The following CTH variants were observed in gnomAD, a reference collection of about 807,000 sequenced individuals.
The protein encoded by CTH is cystathionine gamma-lyase, also known as cystathionase (cystathionine gamma-lyase).
A neutral mutation model predicts 50.6 loss-of-function variants in CTH; 41 were observed. The ratio of observed to expected loss-of-function variants is 0.81; its 90% confidence interval spans 0.63 to 1.05. The LOEUF is 1.05. Ranked by LOEUF, CTH falls within the 50% of genes least tolerant of loss-of-function variation. CTH has a pLI of 0.00. For synonymous variants in CTH, 156 were observed against 168.9 expected, an observed-to-expected ratio of 0.92 and a Z score of 0.59; for missense variants, 470 against 492.6, an observed-to-expected ratio of 0.95 and a Z score of 0.43.
rs773107808 is a variant in CTH at position 70,432,151 on chromosome 1, C to A, written c.793C>A (p.Arg265=). Residue 265 remains arginine, a synonymous_variant, in exon 8 of 12, where the codon CGA becomes AGA. Coordinates refer to ENST00000370938, the MANE Select transcript of CTH (RefSeq NM_001902.6). ...TCGAGGTCTGAAGACTCTACATGTC[C>A]GAATGGAAAAGCATTTCAAAAACGG... ...CNRGLKTLHV[R]MEKHFKNGMA... 2 of 1,614,054 alleles carry A rather than the reference C, an allele frequency of 1.2e-6. No homozygotes were observed. Among genetic ancestry groups the A allele is most frequent in the Non-Finnish European group, 1.7e-6 (2 of 1,179,982 alleles).
At chr1:70,413,998 C>T (rs1684032780) in intron 1 of CTH, among the ~76,000 whole-genome samples, 1 of 151,556 alleles carries the variant, frequency 6.6e-6, no homozygotes, top group Non-Finnish European at 1.5e-5. Flanking sequence ...TCTGAAAGTG[C>T]TGGGATTACA....
At chr1:70,435,691 T>G (rs1473952736) in intron 10 of CTH, among the ~76,000 whole-genome samples, 1 of 151,982 alleles carries the variant, frequency 6.6e-6, no homozygotes, top group Non-Finnish European at 1.5e-5. Context: ...ACAAGATAAA[T>G]CCAAACCCTA....
intron 1 of CTH, among the ~76,000 whole-genome samples, chr1:70,413,882 C>T (rs1007131233): frequency 2.0e-5 from 3 of 150,864 alleles, no homozygotes; most frequent in African/African-American, 7.3e-5. Context: ...GCTGAGATTA[C>T]AGCTGCCCGC....
intron 4 of CTH, among the ~76,000 whole-genome samples, chr1:70,422,626 T>C (rs1684250192): frequency 6.6e-6 from 1 of 150,940 alleles, no homozygotes; most frequent in African/African-American, 2.4e-5. Context: ...TTTTTTTTTT[T>C]TTTGAGACGG....
chr1:70,435,190 C>G lies in CTH; in HGVS notation c.1052+13C>G. 1.2e-6 allele frequency: 2 copies of G among 1,610,206 alleles called. No individual in the cohort carries two copies. The highest frequency in any genetic ancestry group is 1.7e-6 in the Non-Finnish European group (2 of 1,177,550). On this transcript the variant is annotated intron_variant, in intron 10 of 11. Coordinates refer to ENST00000370938, the MANE Select transcript of CTH (RefSeq NM_001902.6). ...TTGCTGAGCTTCCGTAAGTATAGTT[C>G]TGTTTTTCTCAGTATTTTAAATTTG... is the stretch of plus-strand genomic sequence containing the variant.
intron 1 of CTH, among the ~76,000 whole-genome samples, chr1:70,414,838 G>T (rs998977169): frequency 6.6e-6 from 1 of 150,642 alleles, no homozygotes; most frequent in Non-Finnish European, 1.5e-5. Context: ...TTTTTTTCCC[G>T]AGACAGAGTC....
At chr1:70,411,669 T>C in intron 1 of CTH, 86 bp downstream of exon 1, 1 of 1,531,266 alleles carries the variant, frequency 6.5e-7, no homozygotes, top group East Asian at 2.3e-5. Flanking sequence ...AAGTAATTTA[T>C]AATATGACTT....
intron 3 of CTH, among the ~76,000 whole-genome samples, chr1:70,419,384 C>T (rs2101734108): frequency 6.6e-6 from 1 of 152,270 alleles, no homozygotes; most frequent in African/African-American, 2.4e-5. Context: ...TTCTAGATCC[C>T]TGAGGAATCA....
chr1:70,439,109 A>G lies in CTH; in HGVS notation c.1200A>G (p.Pro400=). The part of the protein sequence containing the change: ...LDQALKAAHP[P]SGSHS ...GTGCACTGTTATTATAGCACCCTCCAAGTGGAAGTCACAGCTAGTATTCCA... is the reference window on the plus strand; with the variant it reads ...GTGCACTGTTATTATAGCACCCTCCGAGTGGAAGTCACAGCTAGTATTCCA... Residue 400 remains proline (P), a synonymous_variant, in exon 12 of 12, where the codon CCA becomes CCG. Transcript: ENST00000370938. 1.2e-6 allele frequency: 2 copies of G among 1,612,434 alleles called. No individual in the cohort carries two copies. The highest frequency in any genetic ancestry group is 1.7e-6 in the Non-Finnish European group (2 of 1,178,464).
intron 10 of CTH, among the ~76,000 whole-genome samples, chr1:70,438,307 A>C (rs894130502): frequency 2.0e-5 from 3 of 152,192 alleles, no homozygotes. Context: ...ACCTCTTATA[A>C]GTAGCAATCC....
At chr1:70,433,662 G>T (rs1684529605) in intron 8 of CTH, among the ~76,000 whole-genome samples, 166 bp from the exon 9 acceptor site, 1 of 152,154 alleles carries the variant, frequency 6.6e-6, no homozygotes, top group Admixed American at 6.5e-5. Flanking sequence ...GAGGCAACAT[G>T]AAGCTGGAGA....
chr1:70,433,633 T>G (rs1346710511), intron 8 of CTH, among the ~76,000 whole-genome samples, 195 bp from the exon 9 acceptor site: 3 of 151,986 alleles, frequency 2.0e-5, no homozygotes, highest in Non-Finnish European at 4.4e-5. Flanking sequence ...TAAAGAAAGC[T>G]GAAGAGGGTA....
chr1:70,413,245 CTCTTTCTT>C (rs1429665211), intron 1 of CTH, among the ~76,000 whole-genome samples: 1 of 151,020 alleles, frequency 6.6e-6, no homozygotes, highest in African/African-American at 2.4e-5. Context: ...TACACAGCCT[CTCTTTCTT>C]TCTTTCTTTT....
At chr1:70,430,708 AT>A (rs1684453348) in intron 7 of CTH, among the ~76,000 whole-genome samples, 1 of 151,444 alleles carries the variant, frequency 6.6e-6, no homozygotes, top group African/African-American at 2.4e-5. Flanking sequence ...TGCCCAGCTA[AT>A]TTTTTATATT....
chr1:70,422,933 G>A (rs147164007), intron 4 of CTH, among the ~76,000 whole-genome samples: 209 of 152,088 alleles, frequency 1.4e-3, no homozygotes, highest in African/African-American at 4.6e-3. Context: ...TTCTAAGGGA[G>A]GAAAGCAAAT....
intron 4 of CTH, 41 bp from the exon 5 acceptor site, chr1:70,424,244 T>C (rs1308207111): frequency 1.2e-6 from 2 of 1,613,606 alleles, no homozygotes; most frequent in Admixed American, 1.7e-5. Flanking sequence ...GTTTGTAAAG[T>C]ATATTTTTAC....
intron 7 of CTH, chr1:70,430,768 C>A (rs1327226124): frequency 1.2e-5 from 2 of 160,462 alleles, no homozygotes; most frequent in Non-Finnish European, 2.7e-5. Flanking sequence ...GTCTCAAACT[C>A]CTGACCTCAG....
intron 1 of CTH, 73 bp downstream of exon 1, chr1:70,411,656 T>A: frequency 6.4e-7 from 1 of 1,557,346 alleles, no homozygotes; most frequent in East Asian, 2.3e-5. Flanking sequence ...TTGAAAGGCA[T>A]GTAAGTAATT....
chr1:70,418,162 CCTCTATGCT>C (rs1348445434), intron 3 of CTH, 130 bp downstream of exon 3: 1 of 1,033,796 alleles, frequency 9.7e-7, no homozygotes, highest in Admixed American at 2.1e-5. Flanking sequence ...GTGACAGGTA[CCTCTATGCT>C]CTCTCAGACT....
Sources: gnomAD v4.1 joint callset for allele counts (sites outside exome capture counted in the v4.1 genomes callset) on GRCh38, gnomAD v4.1.1 for gene constraint, MANE v1.5 for transcripts, NCBI Gene and HGNC (gene_info 2026-07-23, HGNC 2026-07-21) for gene names.